Variants in TENM4 observed in about 807,000 individuals in gnomAD.
TENM4 encodes teneurin-4.
In TENM4, 82 loss-of-function variants were observed where a neutral mutation model predicts 243.3. The observed-to-expected ratio is 0.34, with a 90% confidence interval of 0.28 to 0.40. The LOEUF (loss-of-function observed/expected upper bound fraction) is 0.40. Ranked by LOEUF, TENM4 falls within the 10% of genes least tolerant of loss-of-function variation. TENM4 has a pLI of 1.00. For missense variants in TENM4, 3,138 were observed against 3,673.3 expected, an observed-to-expected ratio of 0.85 and a Z score of 3.77; for synonymous variants, 1,412 against 1,456.3, an observed-to-expected ratio of 0.97 and a Z score of 0.69.
rs1863239995 is a variant in TENM4 at position 79,179,508 on chromosome 11, AAACAAG to A, written c.-162-30708_-162-30703del. On this transcript the variant is annotated intron_variant, in intron 3 of 33. Transcript: ENST00000278550. ...AGATAAGCTAAACTGGAGGCCTTCA[AAACAAG>A]ATGATTAAGATAGTCCATTGAAATT... 2.6e-5 allele frequency among the ~76,000 whole-genome samples: 4 copies of A among 152,156 alleles called. No homozygotes were observed. The South Asian group carries it at 6.2e-4, about 24-fold the overall frequency.
intron 32 of TENM4, among the ~76,000 whole-genome samples, chr11:78,666,751 T>C (rs1858167808): frequency 6.6e-6 from 1 of 152,164 alleles, no homozygotes; most frequent in Admixed American, 6.5e-5. Context: ...TGAATGACAT[T>C]TGGAGTCTCA....
chr11:78,763,551 T>C (rs75481508), intron 18 of TENM4, among the ~76,000 whole-genome samples: 2,571 of 152,352 alleles, frequency 0.017, 43 homozygotes, highest in African/African-American at 0.042. Flanking sequence ...GGCTGGAGGA[T>C]GAAGGCCCTG....
At chr11:78,736,731 G>A (rs1042277623) in intron 20 of TENM4, among the ~76,000 whole-genome samples, 2 of 152,190 alleles carry the variant, frequency 1.3e-5, no homozygotes, top group African/African-American at 4.8e-5. Context: ...TGGATACTAA[G>A]AGAACAATTG....
In TENM4 at chr11:78,756,975, C is replaced by T; in HGVS notation, c.2586G>A (p.Leu862=). Residue 862 remains leucine (L), a synonymous_variant, in exon 19 of 34, where the codon CTG becomes CTA. Coordinates refer to ENST00000278550, the MANE Select transcript of TENM4 (RefSeq NM_001098816.3). ...CMDPDCCLQP[L]CHINPLCLGS... is the part of the protein sequence containing the mutation. ...CAAGGCACAGCGGGTTGATATGGCA[C>T]AGGGGCTGGAGGCAGCAGTCAGGGT... The T allele has an allele frequency of 6.2e-7, 1 of 1,613,970 alleles. No homozygotes were observed. The highest frequency in any genetic ancestry group is 8.5e-7 in the Non-Finnish European group (1 of 1,179,890).
At chr11:79,335,986 G>A (rs973663787) in intron 1 of TENM4, among the ~76,000 whole-genome samples, 1 of 151,882 alleles carries the variant, frequency 6.6e-6, no homozygotes, top group Non-Finnish European at 1.5e-5. Context: ...CTGATTCCCT[G>A]TCTAAGCTCC....
At chr11:78,875,214 G>C (rs1859238434) in intron 9 of TENM4, among the ~76,000 whole-genome samples, 1 of 152,122 alleles carries the variant, frequency 6.6e-6, no homozygotes, top group Non-Finnish European at 1.5e-5. Context: ...TTCATAAGAA[G>C]ATAAGTTAGT....
chr11:79,161,812 G>T (rs1862751751), intron 3 of TENM4, among the ~76,000 whole-genome samples: 1 of 152,236 alleles, frequency 6.6e-6, no homozygotes, highest in Admixed American at 6.5e-5. Context: ...GTAGAGAAGA[G>T]ATGATAACAA....
chr11:78,694,658 G>A (rs1461806007), intron 28 of TENM4, among the ~76,000 whole-genome samples: 1 of 152,136 alleles, frequency 6.6e-6, no homozygotes, highest in Non-Finnish European at 1.5e-5. Flanking sequence ...GTTATTCTCT[G>A]TTCCCCCTAC....
chr11:79,253,011 T>C (rs956920349), intron 2 of TENM4, among the ~76,000 whole-genome samples: 47 of 152,230 alleles, frequency 3.1e-4, no homozygotes, highest in Non-Finnish European at 4.7e-4. Context: ...AATTCTGAGA[T>C]AGACATTGTT....
At chr11:79,331,336 A>C (rs560826374) in intron 1 of TENM4, among the ~76,000 whole-genome samples, 1 of 152,136 alleles carries the variant, frequency 6.6e-6, no homozygotes, top group South Asian at 2.1e-4. Context: ...CTCCACTCCC[A>C]CTGCTCACAG....
At chr11:79,042,395 T>G (rs1174846016) in intron 6 of TENM4, among the ~76,000 whole-genome samples, 1 of 152,182 alleles carries the variant, frequency 6.6e-6, no homozygotes, top group Non-Finnish European at 1.5e-5. Flanking sequence ...ATTAAGGAGG[T>G]GGGGCCTTTG....
At chr11:78,886,267 T>C (rs1255807525) in intron 9 of TENM4, among the ~76,000 whole-genome samples, 1 of 152,252 alleles carries the variant, frequency 6.6e-6, no homozygotes, top group Non-Finnish European at 1.5e-5. Context: ...GCCTGTTGAT[T>C]AGATCGGTTG....
rs181490289 is a variant in TENM4, at chr11:79,159,810, A to G, written c.-162-11004T>C. Reference sequence around the variant, plus strand: ...ATTCATTTCTACTTAATACTGACTCAGTCATTCATTTACAGATGCCTTCCA... The same window carrying G: ...ATTCATTTCTACTTAATACTGACTCGGTCATTCATTTACAGATGCCTTCCA... On this transcript the variant is annotated intron_variant, in intron 3 of 33. Transcript: ENST00000278550. Among the ~76,000 whole-genome samples the G allele has an allele frequency of 7.3e-4, 111 of 152,292 alleles. 2 individuals are homozygous for G. Among genetic ancestry groups the G allele is most frequent in the Admixed American group, 6.6e-3 (101 of 15,306 alleles).
At chr11:79,026,398 G>A (rs1859078943) in intron 6 of TENM4, among the ~76,000 whole-genome samples, 1 of 152,126 alleles carries the variant, frequency 6.6e-6, no homozygotes, top group African/African-American at 2.4e-5. Flanking sequence ...ACTAACAATT[G>A]CCCAAGGAAG....
At chr11:79,077,505 A>AT (rs1436168139) in intron 4 of TENM4, among the ~76,000 whole-genome samples, 4 of 152,208 alleles carry the variant, frequency 2.6e-5, no homozygotes, top group African/African-American at 7.2e-5. Flanking sequence ...CACATCTACA[A>AT]TTTTTTTAAC....
intron 1 of TENM4, among the ~76,000 whole-genome samples, chr11:79,378,265 G>A (rs907746535): frequency 1.3e-5 from 2 of 152,184 alleles, no homozygotes; most frequent in African/African-American, 4.8e-5. Context: ...TCCTGCACCT[G>A]TAGGGGCCAA....
At chr11:79,265,769 G>A (rs1009732703) in intron 2 of TENM4, among the ~76,000 whole-genome samples, 1 of 152,018 alleles carries the variant, frequency 6.6e-6, no homozygotes, top group African/African-American at 2.4e-5. Flanking sequence ...GAGAGATGGG[G>A]AGGAAACAGG....
At chr11:78,908,184 TTGG>T (rs1856104576) in intron 6 of TENM4, among the ~76,000 whole-genome samples, 1 of 152,190 alleles carries the variant, frequency 6.6e-6, no homozygotes, top group African/African-American at 2.4e-5. Flanking sequence ...AGACTCGGCT[TTGG>T]TGTCAGAGAG....
chr11:78,698,436 CAAAT>C (rs1467001182), intron 28 of TENM4, among the ~76,000 whole-genome samples: 2 of 151,950 alleles, frequency 1.3e-5, no homozygotes, highest in African/African-American at 4.8e-5. Context: ...AACAAACAAA[CAAAT>C]AAACAAACAG....
Sources: allele counts gnomAD v4.1 joint callset (sites outside exome capture counted in the v4.1 genomes callset), GRCh38; gene constraint gnomAD v4.1.1; transcripts MANE v1.5; gene names NCBI Gene and HGNC (gene_info 2026-07-23, HGNC 2026-07-21).